Variants in ARMCX5 observed in about 807,000 individuals in gnomAD.
The protein encoded by ARMCX5 is armadillo repeat-containing X-linked protein 5.
In ARMCX5, 1 loss-of-function variant was observed where a neutral mutation model predicts 7.5. The observed-to-expected ratio is 0.13, with a 90% confidence interval of 0.05 to 0.63. The LOEUF (loss-of-function observed/expected upper bound fraction) is 0.63, where lower values mean the gene tolerates loss of function less well. ARMCX5 is among the 30% of genes least tolerant of loss of function. ARMCX5 has a pLI of 0.86. For synonymous variants in ARMCX5, 149 were observed against 145.7 expected (o/e 1.02, Z -0.16); for missense variants, 346 against 402.2 (o/e 0.86, Z 1.19).
Position 102,602,191 on chromosome X carries a change from G to C in ARMCX5, c.50G>C (p.Gly17Ala), listed in dbSNP as rs767819081. 2.4e-5 allele frequency: 29 copies of C among 1,209,510 alleles called. No homozygotes were observed. In the African/African-American group the frequency reaches 4.0e-4, roughly 17 times the overall value. ...AGGGCTAGAGGAAAGGCTGAGGCTG[G>C]CCTGCAAGATGGAATCAGTGGTCCT... ...EARARGKAEA[G>A]LQDGISGPAT... Residue 17 changes from glycine (G) to alanine (A), a missense_variant, in exon 4 of 4, where the codon GGC (glycine) becomes GCC (alanine). Gly to Ala is a moderately conservative substitution (Grantham distance 60). This residue lies in a region of ARMCX5 where 204 missense variants were observed against 244.3 expected (regional missense o/e 0.83). Transcript: ENST00000473968.
rs937799597 is a variant in ARMCX5, at chrX:102,602,921, G to A, written c.780G>A (p.Gly260=). ...AGACCTTGATTGAAACTCCTCTGGG[G>A]ATTCGACCTTTGACCAAGATCCCAC... The part of the protein sequence containing the change: ...LVETLIETPL[G]IRPLTKIPPY... Residue 260 remains glycine (G), a synonymous_variant, in exon 4 of 4, where the codon GGG becomes GGA. Coordinates refer to ENST00000473968, the MANE Select transcript of ARMCX5 (RefSeq NM_001168478.2). The A allele has an allele frequency of 1.3e-5, 16 of 1,209,594 alleles. No homozygotes were observed. The Admixed American group carries it at 2.2e-4, about 17-fold the overall frequency.
rs376270648 is a variant in ARMCX5, at chrX:102,603,025, C to T, written c.884C>T (p.Pro295Leu). The change falls in exon 4 of 4, where the codon CCG becomes CTG. Residue 295 changes from proline to leucine, a missense_variant. Pro to Leu is a moderately conservative substitution (Grantham distance 98). Transcript: ENST00000473968. ...IRQREKYGPN[P>L]KACHCKSRGF... Reference sequence around the variant, plus strand: ...CAAAGGGAAAAGTATGGGCCTAATCCGAAGGCCTGCCACTGCAAATCACGT... The same window carrying T: ...CAAAGGGAAAAGTATGGGCCTAATCTGAAGGCCTGCCACTGCAAATCACGT... The T allele has an allele frequency of 1.6e-5, 19 of 1,209,561 alleles. No homozygotes were observed. In the East Asian group the frequency reaches 2.1e-4, roughly 13 times the overall value.
rs772853746 is a variant in ARMCX5, at chrX:102,602,857, A to G, written c.716A>G (p.Glu239Gly). The change falls in exon 4 of 4, where the codon GAG becomes GGG. Residue 239 changes from glutamate (E) to glycine (G), a missense_variant. Around this residue, in one of 3 missense-constraint regions of ARMCX5, gnomAD observed 204 missense variants for 244.3 expected, o/e 0.83. Coordinates refer to ENST00000473968, the MANE Select transcript of ARMCX5 (RefSeq NM_001168478.2). ...GTCCTAGTTCCAGTTGAAGGAGGGGAGCAATCCTTGCCTCCAGAAGGAAAC... is the reference window on the plus strand; with the variant it reads ...GTCCTAGTTCCAGTTGAAGGAGGGGGGCAATCCTTGCCTCCAGAAGGAAAC... ...YIVLVPVEGG[E>G]QSLPPEGNWT... The G allele has an allele frequency of 7.4e-6, 9 of 1,210,229 alleles. No individual in the cohort carries two copies. Among genetic ancestry groups the G allele is most frequent in the Non-Finnish European group, 1.0e-5 (9 of 894,108 alleles).
rs764283175 is a variant in ARMCX5 at position 102,602,515 on chromosome X, A to C, written c.374A>C (p.Lys125Thr). The C allele has an allele frequency of 2.8e-5, 34 of 1,209,824 alleles. No homozygotes were observed. Among genetic ancestry groups the C allele is most frequent in the Admixed American group, 2.2e-4 (10 of 45,791 alleles). ...RVSTVTKSEVKVVAVIEANIR... is the reference protein window; with the variant it reads ...RVSTVTKSEVTVVAVIEANIR... ...AGTACTGTAACCAAGTCTGAAGTCA[A>C]GGTTGTTGCTGTCATTGAGGCAAAT... The change falls in exon 4 of 4, where the codon AAG (lysine) becomes ACG (threonine). Residue 125 changes from lysine (K) to threonine (T), a missense_variant. Physicochemically the swap from Lys to Thr is moderately conservative, Grantham distance 78. Around this residue, in one of 3 missense-constraint regions of ARMCX5, gnomAD observed 204 missense variants for 244.3 expected, o/e 0.83. Transcript: ENST00000473968.
In ARMCX5 at chrX:102,603,500, A is replaced by G; in HGVS notation, c.1359A>G (p.Leu453=). The change falls in exon 4 of 4, where the codon TTA becomes TTG. Residue 453 remains leucine (L), a synonymous_variant. Transcript: ENST00000473968. ...KGSVKTKFYV[L]KVFSCLSKNH... is the part of the protein sequence containing the mutation. ...GTGTCAAAACCAAGTTTTATGTTTT[A>G]AAAGTGTTTTCGTGTTTGTCTAAAA... 3.3e-6 allele frequency: 4 copies of G among 1,210,128 alleles called. No individual in the cohort carries two copies. Among genetic ancestry groups the G allele is most frequent in the Non-Finnish European group, 4.5e-6 (4 of 893,971 alleles).
At position 102,602,787 on chromosome X, in the gene ARMCX5, A is replaced by T; in HGVS notation, c.646A>T (p.Thr216Ser). Residue 216 changes from threonine (T) to serine (S), a missense_variant, in exon 4 of 4, where the codon ACT becomes TCT. Physicochemically the swap from Thr to Ser is moderately conservative, Grantham distance 58. This residue lies in a region of ARMCX5 where 204 missense variants were observed against 244.3 expected (regional missense o/e 0.83). Coordinates refer to ENST00000473968, the MANE Select transcript of ARMCX5 (RefSeq NM_001168478.2). ...CAAGCCCACACACAAACCCACACTT[A>T]CTATAAAACAAAAGGTAATAGCATG... ...KPKPTHKPTLTIKQKVIAWSR... is the reference protein window; with the variant it reads ...KPKPTHKPTLSIKQKVIAWSR... 2 of 1,211,093 alleles carry T rather than the reference A, an allele frequency of 1.7e-6. No homozygotes were observed. Among genetic ancestry groups the T allele is most frequent in the Non-Finnish European group, 2.2e-6 (2 of 895,082 alleles).
At chrX:102,601,301 AAGG>A (rs1161350317) in intron 2 of ARMCX5, 160 bp from the exon 3 acceptor site, 5 of 111,465 alleles carry the variant, frequency 4.5e-5, no homozygotes, top group African/African-American at 9.8e-5. Context: ...GGGCAATAGG[AAGG>A]AGGAGGAGGA....
Position 102,602,919 on chromosome X carries a change from G to T in ARMCX5, c.778G>T (p.Gly260Trp). The stretch of plus-strand genomic sequence containing the variant: ...TGAGACCTTGATTGAAACTCCTCTG[G>T]GGATTCGACCTTTGACCAAGATCCC... Reference protein sequence around the residue: ...LVETLIETPLGIRPLTKIPPY... With the variant: ...LVETLIETPLWIRPLTKIPPY... Residue 260 changes from glycine (G) to tryptophan (W), a missense_variant, in exon 4 of 4, where the codon GGG becomes TGG. Physicochemically the swap from Gly to Trp is radical, Grantham distance 184. Coordinates refer to ENST00000473968, the MANE Select transcript of ARMCX5 (RefSeq NM_001168478.2). 8.3e-7 allele frequency: 1 copy of T among 1,211,391 alleles called. No individual in the cohort carries two copies. Among genetic ancestry groups the T allele is most frequent in the Non-Finnish European group, 1.1e-6 (1 of 895,395 alleles).
chrX:102,603,316 A>G lies in ARMCX5; in HGVS notation c.1175A>G (p.Tyr392Cys). Reference protein sequence around the residue: ...SSEEPKSGESYIHQVCKGIIS... With the variant: ...SSEEPKSGESCIHQVCKGIIS... The stretch of plus-strand genomic sequence containing the variant: ...GAAGAACCAAAATCAGGGGAGTCAT[A>G]TATACATCAAGTTTGTAAAGGCATA... The change falls in exon 4 of 4, where the codon TAT becomes TGT. Residue 392 changes from tyrosine to cysteine, a missense_variant. Around this residue, in one of 3 missense-constraint regions of ARMCX5, gnomAD observed 139 missense variants for 141.1 expected, o/e 0.99. Transcript: ENST00000473968. 1 of 1,210,658 alleles carries G rather than the reference A, an allele frequency of 8.3e-7. No individual in the cohort carries two copies. Among genetic ancestry groups the G allele is most frequent in the Non-Finnish European group, 1.1e-6 (1 of 894,679 alleles).
Position 102,599,543 on chromosome X carries a change from C to G in ARMCX5, c.-726C>G, listed in dbSNP as rs1312657858. On this transcript the variant is annotated 5_prime_UTR_variant, in exon 1 of 4. Coordinates refer to ENST00000473968, the MANE Select transcript of ARMCX5 (RefSeq NM_001168478.2). ...CCACTGCCGTTGTGGGTAACGCGGA[C>G]GTGGAAGAACCTCGTCTGCGGAGGA... The G allele has an allele frequency of 9.1e-6, 1 of 110,002 alleles. No homozygotes were observed. The highest frequency in any genetic ancestry group is 1.9e-5 in the Non-Finnish European group (1 of 52,822). The allele number at this position is 110,002 out of a possible 1,213,427, so 9.1% of individuals were successfully genotyped here. A position where few individuals can be genotyped will look rare whatever the true frequency, so the allele number is the denominator to read the frequency against.
At chrX:102,601,313 G>GAGT (rs1038814835) in intron 2 of ARMCX5, 151 bp from the exon 3 acceptor site, 2 of 111,795 alleles carry the variant, frequency 1.8e-5, no homozygotes, top group African/African-American at 6.5e-5. Flanking sequence ...GGAGGAGGAG[G>GAGT]AGTAGCCCTG....
chrX:102,603,632 A>G lies in ARMCX5; in HGVS notation c.1491A>G (p.Ile497Met). 8.4e-7 allele frequency: 1 copy of G among 1,191,072 alleles called. No individual in the cohort carries two copies. Among genetic ancestry groups the G allele is most frequent in the Non-Finnish European group, 1.1e-6 (1 of 880,015 alleles). ...SKANILNIIE[I>M]FENINFQFKT... ...CCAATATTCTTAATATTATTGAAAT[A>G]TTTGAGAATATAAATTTTCAGTTCA... The change falls in exon 4 of 4, where the codon ATA becomes ATG. Residue 497 changes from isoleucine to methionine, a missense_variant. Ile to Met is a conservative substitution (Grantham distance 10, BLOSUM62 1). Around this residue, in one of 3 missense-constraint regions of ARMCX5, gnomAD observed 139 missense variants for 141.1 expected, o/e 0.99. Coordinates refer to ENST00000473968, the MANE Select transcript of ARMCX5 (RefSeq NM_001168478.2).
In ARMCX5 at chrX:102,603,321, C is replaced by T; in HGVS notation, c.1180C>T (p.His394Tyr). The T allele has an allele frequency of 2.5e-6, 3 of 1,210,499 alleles. No individual in the cohort carries two copies. Among genetic ancestry groups the T allele is most frequent in the Non-Finnish European group, 3.4e-6 (3 of 894,602 alleles). ...ACCAAAATCAGGGGAGTCATATATA[C>T]ATCAAGTTTGTAAAGGCATAATCTC... ...EEPKSGESYI[H>Y]QVCKGIISCP... The change falls in exon 4 of 4, where the codon CAT (histidine) becomes TAT (tyrosine). Residue 394 changes from histidine to tyrosine, a missense_variant. His to Tyr is a moderately conservative substitution (Grantham distance 83). Transcript: ENST00000473968.
Position 102,604,146 on chromosome X carries a change from A to G in ARMCX5, c.*328A>G, listed in dbSNP as rs980364658. ...CATGTTGTTAATAAAGTTGCATGCT[A>G]AAACTGGTGAAAATATTGTCCTAGT... On this transcript the variant is annotated 3_prime_UTR_variant, in exon 4 of 4. Transcript: ENST00000473968. 6.7e-6 allele frequency: 1 copy of G among 149,158 alleles called. No homozygotes were observed. Among genetic ancestry groups the G allele is most frequent in the African/African-American group, 3.1e-5 (1 of 31,926 alleles). 12.3% of individuals were successfully genotyped at this position (149,158 alleles called of 1,213,427 possible). A position where few individuals can be genotyped will look rare whatever the true frequency, so the allele number is the denominator to read the frequency against.
At position 102,603,236 on chromosome X, in the gene ARMCX5, T is replaced by G; in HGVS notation, c.1095T>G (p.Asn365Lys). ...VMIENLVNNP[N>K]VKEHPGALSM... is the part of the protein sequence containing the mutation. ...TTGAAAACTTGGTCAATAATCCCAA[T>G]GTTAAAGAACACCCTGGAGCTTTAA... The change falls in exon 4 of 4, where the codon AAT (asparagine) becomes AAG (lysine). Residue 365 changes from asparagine to lysine, a missense_variant. Coordinates refer to ENST00000473968, the MANE Select transcript of ARMCX5 (RefSeq NM_001168478.2). The G allele has an allele frequency of 8.3e-7, 1 of 1,211,053 alleles. No homozygotes were observed. Among genetic ancestry groups the G allele is most frequent in the Non-Finnish European group, 1.1e-6 (1 of 895,081 alleles).
At position 102,599,982 on chromosome X, in the gene ARMCX5, A is replaced by T. The variant is rs112568002; in HGVS notation, c.-422+135A>T. The T allele has an allele frequency of 7.8e-3, 802 of 103,460 alleles. 8 individuals carry two copies. Among genetic ancestry groups the T allele is most frequent in the African/African-American group, 0.027 (765 of 27,964 alleles). 8.5% of individuals were successfully genotyped at this position (103,460 alleles called of 1,213,427 possible). A position where few individuals can be genotyped will look rare whatever the true frequency, so the allele number is the denominator to read the frequency against. ...GTAATTGGAATGGCACACAACAATT[A>T]AAAAAAAATGATCTACCTTTTGCTA... On this transcript the variant is annotated intron_variant, in intron 1 of 3. Transcript: ENST00000473968.
chrX:102,602,547 T>G lies in ARMCX5; in HGVS notation c.406T>G (p.Ser136Ala). 8.3e-7 allele frequency: 1 copy of G among 1,210,768 alleles called. No individual in the cohort carries two copies. The highest frequency in any genetic ancestry group is 1.1e-6 in the Non-Finnish European group (1 of 895,099). Residue 136 changes from serine to alanine, a missense_variant, in exon 4 of 4, where the codon TCC becomes GCC. Ser to Ala is a moderately conservative substitution (Grantham distance 99). This residue lies in a region of ARMCX5 where 204 missense variants were observed against 244.3 expected (regional missense o/e 0.83). Transcript: ENST00000473968. Reference sequence around the variant, plus strand: ...TGCTGTCATTGAGGCAAATATTAGGTCCTATGCCAAGTCACATGATAAGGC... The same window carrying G: ...TGCTGTCATTGAGGCAAATATTAGGGCCTATGCCAAGTCACATGATAAGGC... ...VVAVIEANIR[S>A]YAKSHDKANT... is the part of the protein sequence containing the mutation.
In ARMCX5 at chrX:102,602,579, T is replaced by C; in HGVS notation, c.438T>C (p.Thr146=). Residue 146 remains threonine (T), a synonymous_variant, in exon 4 of 4, where the codon ACT becomes ACC. Transcript: ENST00000473968. ...SYAKSHDKAN[T]GSRPDRREET... is the part of the protein sequence containing the mutation. The stretch of plus-strand genomic sequence containing the variant: ...CCAAGTCACATGATAAGGCCAATAC[T>C]GGGTCCAGACCTGACAGAAGGGAAG... 1 of 1,211,254 alleles carries C rather than the reference T, an allele frequency of 8.3e-7. No individual in the cohort carries two copies. Among genetic ancestry groups the C allele is most frequent in the South Asian group, 1.8e-5 (1 of 56,971 alleles).
rs1245831353 is a variant in ARMCX5, at chrX:102,603,243, G to C, written c.1102G>C (p.Glu368Gln). 3.3e-6 allele frequency: 4 copies of C among 1,209,142 alleles called. No individual in the cohort carries two copies. In the African/African-American group the frequency reaches 7.0e-5, roughly 21 times the overall value. Reference sequence around the variant, plus strand: ...CTTGGTCAATAATCCCAATGTTAAAGAACACCCTGGAGCTTTAAGTATGGT... The same window carrying C: ...CTTGGTCAATAATCCCAATGTTAAACAACACCCTGGAGCTTTAAGTATGGT... ...ENLVNNPNVK[E>Q]HPGALSMVDD... Residue 368 changes from glutamate (E) to glutamine (Q), a missense_variant, in exon 4 of 4, where the codon GAA becomes CAA. Physicochemically the swap from Glu to Gln is conservative, Grantham distance 29. Around this residue, in one of 3 missense-constraint regions of ARMCX5, gnomAD observed 139 missense variants for 141.1 expected, o/e 0.99. Transcript: ENST00000473968.
Sources: gnomAD v4.1 joint callset for allele counts on GRCh38, gnomAD v4.1.1 for gene constraint, gnomAD v4.1.1 regional missense constraint, MANE v1.5 for transcripts, NCBI Gene and HGNC (gene_info 2026-07-23, HGNC 2026-07-21) for gene names.